The following ZNF423 variants were observed in gnomAD, a reference collection of about 807,000 sequenced individuals.
The protein encoded by ZNF423 is Ebf-associated zinc finger protein.
In ZNF423, 12 loss-of-function variants were observed where a neutral mutation model predicts 95.8. The observed-to-expected ratio is 0.13, with a 90% CI of 0.08 to 0.20. The LOEUF (loss-of-function observed/expected upper bound fraction) is 0.20, where lower values mean the gene tolerates loss of function less well. Among genes scored for constraint, ZNF423 ranks in the 10% least tolerant of loss-of-function variants. The pLI is 1.00. For missense variants in ZNF423, 1,316 were observed against 1,737.1 expected (o/e 0.76, Z 4.31); for synonymous variants, 749 against 711.9 (o/e 1.05, Z -0.83).
rs1030136627 is a variant in ZNF423, at chr16:49,488,884, T to A, written c.*2391A>T. On this transcript the variant is annotated 3_prime_UTR_variant, in exon 8 of 8. Transcript: ENST00000563137. Reference sequence around the variant, plus strand: ...CAAAGTCACGAGGGGCTCTCAGCCGTAGCAGCAGGGACAGAGCCAGCCGGA... The same window carrying A: ...CAAAGTCACGAGGGGCTCTCAGCCGAAGCAGCAGGGACAGAGCCAGCCGGA... The A allele has an allele frequency of 2.6e-5, 4 of 152,284 alleles. No individual in the cohort carries two copies. Among genetic ancestry groups the A allele is most frequent in the African/African-American group, 9.7e-5 (4 of 41,420 alleles). 9.4% of individuals were successfully genotyped at this position (152,284 alleles called of 1,614,324 possible).
chr16:49,515,824 C>T (rs111515151), intron 7 of ZNF423, among the ~76,000 whole-genome samples: 14 of 152,280 alleles, frequency 9.2e-5, no homozygotes, highest in African/African-American at 2.6e-4. Context: ...AGGCACCATC[C>T]GTGCCCAGTG....
intron 5 of ZNF423, among the ~76,000 whole-genome samples, chr16:49,584,837 T>C (rs1399682404): frequency 6.6e-6 from 1 of 152,212 alleles, no homozygotes; most frequent in Non-Finnish European, 1.5e-5. Context: ...TGTTCAATAT[T>C]GCTACATATT....
At chr16:49,542,602 T>G (rs549890642) in intron 5 of ZNF423, among the ~76,000 whole-genome samples, 1 of 152,176 alleles carries the variant, frequency 6.6e-6, no homozygotes, top group Non-Finnish European at 1.5e-5. Flanking sequence ...CAGGGACAGA[T>G]GCCAGGGAGG....
chr16:49,846,786 G>A (rs1453161448), intron 1 of ZNF423, among the ~76,000 whole-genome samples: 1 of 152,186 alleles, frequency 6.6e-6, no homozygotes, highest in Non-Finnish European at 1.5e-5. Flanking sequence ...AGCCACAGGG[G>A]GTGAGGGACA....
intron 3 of ZNF423, among the ~76,000 whole-genome samples, chr16:49,684,438 T>C (rs142679379): frequency 4.5e-4 from 69 of 152,336 alleles, no homozygotes; most frequent in African/African-American, 1.6e-3. Flanking sequence ...AGGATGTCCA[T>C]GCCATTAATT....
chr16:49,757,956 G>A (rs528521875), intron 2 of ZNF423, among the ~76,000 whole-genome samples: 1 of 152,140 alleles, frequency 6.6e-6, no homozygotes, highest in Non-Finnish European at 1.5e-5. Flanking sequence ...CCTGGTTCAG[G>A]ACTGCGGTAC....
chr16:49,781,635 G>C (rs36006236), intron 2 of ZNF423, among the ~76,000 whole-genome samples: 12 of 152,122 alleles, frequency 7.9e-5, no homozygotes, highest in Admixed American at 6.5e-4. Flanking sequence ...AAGTGCAGGC[G>C]GGACTGCACG....
At chr16:49,849,711 G>A (rs1450321505) in intron 1 of ZNF423, among the ~76,000 whole-genome samples, 2 of 152,060 alleles carry the variant, frequency 1.3e-5, no homozygotes, top group East Asian at 1.9e-4. Context: ...GAAAGAAAAC[G>A]AAACAACAAC....
intron 3 of ZNF423, among the ~76,000 whole-genome samples, chr16:49,639,767 T>G (rs1040501271): frequency 6.6e-6 from 1 of 152,056 alleles, no homozygotes; most frequent in Admixed American, 6.5e-5. Context: ...TTGTACAGAC[T>G]CCAGCCAGTC....
chr16:49,530,901 A>G (rs1413231200), intron 5 of ZNF423, among the ~76,000 whole-genome samples: 1 of 152,208 alleles, frequency 6.6e-6, no homozygotes, highest in African/African-American at 2.4e-5. Context: ...AGAAAATTCA[A>G]GAAACAGCCA....
At chr16:49,702,552 G>A (rs1460017151) in intron 3 of ZNF423, among the ~76,000 whole-genome samples, 2 of 152,190 alleles carry the variant, frequency 1.3e-5, no homozygotes, top group African/African-American at 2.4e-5. Flanking sequence ...GGGTGGAGGC[G>A]GGGGGCTGGC....
At chr16:49,772,762 G>T (rs2034057379) in intron 2 of ZNF423, among the ~76,000 whole-genome samples, 1 of 151,960 alleles carries the variant, frequency 6.6e-6, no homozygotes, top group Non-Finnish European at 1.5e-5. Context: ...GCCCCACAAG[G>T]GGCCACAGAG....
At chr16:49,532,933 AG>A (rs573044915) in intron 5 of ZNF423, among the ~76,000 whole-genome samples, 1 of 152,158 alleles carries the variant, frequency 6.6e-6, no homozygotes, top group Non-Finnish European at 1.5e-5. Context: ...GGCAGGAGAA[AG>A]GGGGAGACCG....
At chr16:49,494,725 C>A (rs907508380) in intron 7 of ZNF423, among the ~76,000 whole-genome samples, 1 of 152,144 alleles carries the variant, frequency 6.6e-6, no homozygotes, top group African/African-American at 2.4e-5. Flanking sequence ...CCCCTGTCCC[C>A]AAGACTTACC....
intron 5 of ZNF423, among the ~76,000 whole-genome samples, chr16:49,617,902 T>C (rs567269687): frequency 4.6e-5 from 7 of 152,142 alleles, no homozygotes; most frequent in South Asian, 4.1e-4. Context: ...CTGCACCCAA[T>C]TGATATTCCT....
chr16:49,825,660 A>G (rs2034997594), intron 1 of ZNF423, among the ~76,000 whole-genome samples: 1 of 152,204 alleles, frequency 6.6e-6, no homozygotes, highest in African/African-American at 2.4e-5. Flanking sequence ...AAGAAGTCTA[A>G]TATGAAGCAA....
At chr16:49,579,399 C>T (rs751008774) in intron 5 of ZNF423, among the ~76,000 whole-genome samples, 4 of 152,144 alleles carry the variant, frequency 2.6e-5, no homozygotes, top group Non-Finnish European at 4.4e-5. Context: ...CCCTTCCCTC[C>T]GCTCCTTAGT....
chr16:49,681,546 G>A (rs1222517651), intron 3 of ZNF423, among the ~76,000 whole-genome samples: 1 of 152,224 alleles, frequency 6.6e-6, no homozygotes, highest in Non-Finnish European at 1.5e-5. Flanking sequence ...ATGACAGGGT[G>A]TGTGCAGCAA....
chr16:49,848,494 A>C (rs1374669084), intron 1 of ZNF423, among the ~76,000 whole-genome samples: 1 of 151,902 alleles, frequency 6.6e-6, no homozygotes, highest in Non-Finnish European at 1.5e-5. Flanking sequence ...CTCGAGAAGC[A>C]CAAGCATAAC....
Sources: gnomAD v4.1 joint callset for allele counts (sites outside exome capture counted in the v4.1 genomes callset) on GRCh38, gnomAD v4.1.1 for gene constraint, MANE v1.5 for transcripts, NCBI Gene and HGNC (gene_info 2026-07-23, HGNC 2026-07-21) for gene names.